The following IL2RA variants were observed in gnomAD, a reference collection of about 807,000 sequenced individuals.
IL2RA encodes the protein interleukin 2 receptor subunit alpha, also known as interleukin-2 receptor subunit alpha.
A neutral mutation model predicts 37.8 loss-of-function variants in IL2RA; 24 were observed. The observed-to-expected ratio is 0.63, with a 90% confidence interval of 0.46 to 0.89. IL2RA has a LOEUF of 0.89. IL2RA is among the 40% of genes least tolerant of loss of function. IL2RA has a pLI of 0.00. For missense variants in IL2RA, 319 were observed against 348.6 expected, an observed-to-expected ratio of 0.92 and a Z score of 0.68; for synonymous variants, 125 against 114.6, an observed-to-expected ratio of 1.09 and a Z score of -0.58.
chr10:6,061,970 C>T (rs549307902), intron 1 of IL2RA, 118 bp downstream of exon 1: 6 of 847,792 alleles, frequency 7.1e-6, no homozygotes, highest in East Asian at 2.5e-5. Flanking sequence ...GAGGTGGAAC[C>T]CAAGATTCAA....
At chr10:6,039,077 T>C (rs12722517) in intron 1 of IL2RA, among the ~76,000 whole-genome samples, 33,979 of 152,088 alleles carry the variant, frequency 0.22, 3,898 homozygotes, top group East Asian at 0.34. Flanking sequence ...TATATGATGT[T>C]TATAAGAGAC....
At position 6,022,146 on chromosome 10, in the gene IL2RA, T is replaced by C. The variant is rs1839398840; in HGVS notation, c.368-453A>G. Among the ~76,000 whole-genome samples, 1 of 151,978 alleles carries C rather than the reference T, an allele frequency of 6.6e-6. No individual in the cohort carries two copies. The highest frequency in any genetic ancestry group is 6.5e-5 in the Admixed American group (1 of 15,270). ...AATGGAGCATGAAGACCACCTTGGATTTCTGCTGGACAAGTGAGGAAGTGC... is the reference window on the plus strand; with the variant it reads ...AATGGAGCATGAAGACCACCTTGGACTTCTGCTGGACAAGTGAGGAAGTGC... On this transcript the variant is annotated intron_variant, in intron 3 of 7. Transcript: ENST00000379959. This position sits in a 1 kb window ranked among gnomAD's most constrained non-coding sequence, Gnocchi z 4.7.
At chr10:6,045,269 C>T (rs1223468893) in intron 1 of IL2RA, among the ~76,000 whole-genome samples, 3 of 152,160 alleles carry the variant, frequency 2.0e-5, no homozygotes, top group South Asian at 2.1e-4. Context: ...GGGTAAGACC[C>T]TTTTGGAGAA....
At chr10:6,019,212 A>C (rs1472101474) in intron 6 of IL2RA, among the ~76,000 whole-genome samples, 1 of 151,674 alleles carries the variant, frequency 6.6e-6, no homozygotes, top group Non-Finnish European at 1.5e-5. Flanking sequence ...ACCAACATAC[A>C]AACCAACCTG....
rs566451088 is a variant in IL2RA, at chr10:6,016,285, T to C, written c.794+1768A>G. On this transcript the variant is annotated intron_variant, in intron 7 of 7. Coordinates refer to ENST00000379959, the MANE Select transcript of IL2RA (RefSeq NM_000417.3). ...ACAGGATGACGTAGCACAAACGCCC[T>C]TGATACATGGGGGCCCCTCGACCTC... 9.2e-5 allele frequency among the ~76,000 whole-genome samples: 14 copies of C among 152,320 alleles called. No homozygotes were observed. The East Asian group carries it at 2.7e-3, about 29-fold the overall frequency.
intron 1 of IL2RA, among the ~76,000 whole-genome samples, chr10:6,050,651 A>T (rs1169211971): frequency 6.6e-6 from 1 of 152,174 alleles, no homozygotes; most frequent in Non-Finnish European, 1.5e-5. Flanking sequence ...CTCAAAAAAA[A>T]GGTGGTTGGG....
rs888327512 is a variant in IL2RA at position 6,022,211 on chromosome 10, G to A, written c.368-518C>T. 2.6e-5 allele frequency among the ~76,000 whole-genome samples: 4 copies of A among 152,096 alleles called. No homozygotes were observed. The highest frequency in any genetic ancestry group is 4.8e-5 in the African/African-American group (2 of 41,390). ...CGGCTGGGCATCTTGGGATGATGTC[G>A]GAAGGATTGGGGACAACACCAAAGC... On this transcript the variant is annotated intron_variant, in intron 3 of 7. Transcript: ENST00000379959. This position sits in a 1 kb window ranked among gnomAD's most constrained non-coding sequence, Gnocchi z 4.7.
At chr10:6,049,816 T>C (rs1454548116) in intron 1 of IL2RA, among the ~76,000 whole-genome samples, 1 of 152,226 alleles carries the variant, frequency 6.6e-6, no homozygotes, top group Non-Finnish European at 1.5e-5. Context: ...CTGTCAACTT[T>C]CCAAATTCAT....
At chr10:6,053,958 G>A (rs1251646644) in intron 1 of IL2RA, among the ~76,000 whole-genome samples, 3 of 152,314 alleles carry the variant, frequency 2.0e-5, no homozygotes, top group Admixed American at 6.5e-5. Flanking sequence ...GAGCTCATCC[G>A]GCCACACCTT....
chr10:6,050,946 C>G (rs1223696993), intron 1 of IL2RA, among the ~76,000 whole-genome samples: 30 of 152,156 alleles, frequency 2.0e-4, no homozygotes, highest in Non-Finnish European at 4.4e-4. Flanking sequence ...GTGCAGTAAA[C>G]CAGGGATCAA....
rs149341463 is a variant in IL2RA, at chr10:6,061,861, G to C, written c.64+227C>G. The stretch of plus-strand genomic sequence containing the variant: ...TATTCTTCCCAGAATTAATTGTCAA[G>C]GACTGAGAAGGACAGGAGAACCTAA... On this transcript the variant is annotated intron_variant, in intron 1 of 7. Coordinates refer to ENST00000379959, the MANE Select transcript of IL2RA (RefSeq NM_000417.3). Among the ~76,000 whole-genome samples, 132 of 152,310 alleles carry C rather than the reference G, an allele frequency of 8.7e-4. 1 individual carries two copies. In the Middle Eastern group the frequency reaches 0.017, roughly 20 times the overall value.
chr10:6,024,255 G>T lies in IL2RA; in HGVS notation c.356C>A (p.Ala119Glu), dbSNP rs138645280. 6.2e-7 allele frequency: 1 copy of T among 1,611,112 alleles called. No individual in the cohort carries two copies. Among genetic ancestry groups the T allele is most frequent in the Non-Finnish European group, 8.5e-7 (1 of 1,177,248 alleles). ...MQSPMQPVDQASLPGHCREPP... is the reference protein window; with the variant it reads ...MQSPMQPVDQESLPGHCREPP... ...GATTCATCTCTCACCTGGAAGGCTC[G>T]CTTGGTCCACTGGCTGCATTGGACT... The change falls in exon 3 of 8, where the codon GCG becomes GAG. Residue 119 changes from alanine (A) to glutamate (E), a missense_variant. Transcript: ENST00000379959.
intron 1 of IL2RA, among the ~76,000 whole-genome samples, chr10:6,061,397 G>A (rs915455831): frequency 6.6e-6 from 1 of 151,862 alleles, no homozygotes; most frequent in Non-Finnish European, 1.5e-5. Flanking sequence ...AAAAATCTTC[G>A]AGAAAATCCA....
At chr10:6,053,170 G>A (rs1405561259) in intron 1 of IL2RA, among the ~76,000 whole-genome samples, 2 of 152,196 alleles carry the variant, frequency 1.3e-5, no homozygotes, top group African/African-American at 4.8e-5. Flanking sequence ...TTTAGCAGCA[G>A]TTTAGACAGG....
In IL2RA at chr10:6,047,758, G is replaced by T. The variant is rs1421832040; in HGVS notation, c.64+14330C>A. Among the ~76,000 whole-genome samples, 1 of 148,862 alleles carries T rather than the reference G, an allele frequency of 6.7e-6. No homozygotes were observed. The highest frequency in any genetic ancestry group is 1.5e-5 in the Non-Finnish European group (1 of 67,384). ...TATACAGATATATAATAAGCAATTAGGGTATGTTATATAAAATACTATAGT... is the reference window on the plus strand; with the variant it reads ...TATACAGATATATAATAAGCAATTATGGTATGTTATATAAAATACTATAGT... On this transcript the variant is annotated intron_variant, in intron 1 of 7. Coordinates refer to ENST00000379959, the MANE Select transcript of IL2RA (RefSeq NM_000417.3). The surrounding 1 kb of genome is among the most constrained non-coding windows in gnomAD (Gnocchi z 5.0).
chr10:6,041,278 C>T (rs1160384385), intron 1 of IL2RA, among the ~76,000 whole-genome samples: 1 of 151,992 alleles, frequency 6.6e-6, no homozygotes, highest in Non-Finnish European at 1.5e-5. Flanking sequence ...TCACGCCCAG[C>T]TAATTTTTTT....
chr10:6,042,647 TA>T (rs1839790141), intron 1 of IL2RA, among the ~76,000 whole-genome samples: 1 of 152,066 alleles, frequency 6.6e-6, no homozygotes, highest in Admixed American at 6.6e-5. Flanking sequence ...TCAGTATCCG[TA>T]ATACATAAGG....
In IL2RA at chr10:6,021,535, T is replaced by A. The variant is rs1285853688; in HGVS notation, c.526A>T (p.Arg176Trp). The change falls in exon 4 of 8, where the codon AGG (arginine) becomes TGG (tryptophan). Residue 176 changes from arginine (R) to tryptophan (W), a missense_variant. Physicochemically the swap from Arg to Trp is moderately radical, Grantham distance 101. Coordinates refer to ENST00000379959, the MANE Select transcript of IL2RA (RefSeq NM_000417.3). This position sits in a 1 kb window ranked among gnomAD's most constrained non-coding sequence, Gnocchi z 4.9. ...CATATGAGCTGGGGCTGGGTCCACC[T>A]TGTCTTCCCGTGGGTCATTTTGCAG... ...SVCKMTHGKTRWTQPQLICTG... is the reference protein window; with the variant it reads ...SVCKMTHGKTWWTQPQLICTG... The A allele has an allele frequency of 3.7e-6, 6 of 1,614,034 alleles. No individual in the cohort carries two copies. In the Admixed American group the frequency reaches 1.0e-4, roughly 27 times the overall value.
intron 1 of IL2RA, among the ~76,000 whole-genome samples, chr10:6,049,817 C>G (rs1839919804): frequency 6.6e-6 from 1 of 152,208 alleles, no homozygotes; most frequent in Non-Finnish European, 1.5e-5. Context: ...TGTCAACTTT[C>G]CAAATTCATA....
Sources: allele counts gnomAD v4.1 joint callset (sites outside exome capture counted in the v4.1 genomes callset), GRCh38; gene constraint gnomAD v4.1.1; non-coding constraint Gnocchi (gnomAD v3.1); transcripts MANE v1.5; gene names NCBI Gene and HGNC (gene_info 2026-07-23, HGNC 2026-07-21).